Variants in AR observed in about 807,000 individuals in gnomAD.
The protein encoded by AR is dihydrotestosterone receptor.
A neutral mutation model predicts 53.9 loss-of-function variants in AR; 8 were observed. The ratio of observed to expected loss-of-function variants is 0.15; its 90% confidence interval spans 0.09 to 0.27. The LOEUF (loss-of-function observed/expected upper bound fraction) is 0.27. Ranked by LOEUF, AR falls within the 10% of genes least tolerant of loss-of-function variation. AR has a pLI of 1.00. For missense variants in AR, 639 were observed against 742.5 expected, an observed-to-expected ratio of 0.86 and a Z score of 1.62; for synonymous variants, 359 against 316.4, an observed-to-expected ratio of 1.13 and a Z score of -1.43.
intron 2 of AR, among the ~76,000 whole-genome samples, chrX:67,664,171 A>C (rs1379605283): frequency 8.9e-6 from 1 of 112,096 alleles, no homozygotes; most frequent in Non-Finnish European, 1.9e-5. Flanking sequence ...GAGGAGCTGC[A>C]TTCCTTTGGA....
intron 2 of AR, among the ~76,000 whole-genome samples, chrX:67,654,993 GT>G (rs771252411): frequency 1.9e-3 from 199 of 104,604 alleles, no homozygotes; most frequent in South Asian, 3.2e-3. Flanking sequence ...ACTCTATTTT[GT>G]TTAAAATGAA....
At chrX:67,716,291 C>T (rs1378768595) in intron 4 of AR, among the ~76,000 whole-genome samples, 1 of 111,912 alleles carries the variant, frequency 8.9e-6, no homozygotes, top group African/African-American at 3.3e-5. Context: ...TTGGGTGAGG[C>T]TACACAAGGT....
intron 2 of AR, among the ~76,000 whole-genome samples, chrX:67,678,735 C>T (rs759944976): frequency 9.9e-5 from 11 of 111,402 alleles, no homozygotes; most frequent in Admixed American, 2.9e-4. Flanking sequence ...CTCTTTGTGT[C>T]CATTACACCA....
intron 1 of AR, among the ~76,000 whole-genome samples, chrX:67,559,359 G>A (rs945322280): frequency 2.7e-5 from 3 of 111,941 alleles, no homozygotes; most frequent in African/African-American, 9.8e-5. Flanking sequence ...GGGAGAGTGA[G>A]CAGAGTCCAT....
chrX:67,545,556 C>A lies in AR; in HGVS notation c.410C>A (p.Ala137Asp), dbSNP rs1295061621. The A allele has an allele frequency of 8.5e-7, 1 of 1,180,597 alleles. No homozygotes were observed. The highest frequency in any genetic ancestry group is 1.1e-6 in the Non-Finnish European group (1 of 879,953). The part of the protein sequence containing the change: ...PERGCVPEPG[A>D]AVAASKGLPQ... ...AGAGGTTGCGTCCCAGAGCCTGGAG[C>A]CGCCGTGGCCGCCAGCAAGGGGCTG... Residue 137 changes from alanine to aspartate, a missense_variant, in exon 1 of 8, where the codon GCC becomes GAC. Ala to Asp is a moderately radical substitution (Grantham distance 126, BLOSUM62 -2). This residue lies in a region of AR where 423 missense variants were observed against 377.0 expected (regional missense o/e 1.12). Coordinates refer to ENST00000374690, the MANE Select transcript of AR (RefSeq NM_000044.6).
At chrX:67,705,447 G>C (rs1461321958) in intron 3 of AR, among the ~76,000 whole-genome samples, 1 of 111,392 alleles carries the variant, frequency 9.0e-6, no homozygotes, top group Non-Finnish European at 1.9e-5. Flanking sequence ...GCTTCTGTTT[G>C]TGTGTTATTG....
At chrX:67,582,994 G>T (rs1358060902) in intron 1 of AR, among the ~76,000 whole-genome samples, 1 of 112,020 alleles carries the variant, frequency 8.9e-6, no homozygotes, top group East Asian at 2.8e-4. Flanking sequence ...AGAAGTGGCA[G>T]CTTCATTTTT....
At position 67,613,252 on chromosome X, in the gene AR, A is replaced by T. The variant is rs144773355; in HGVS notation, c.1617-30004A>T. ...GCCCCACTTGTGGAACAGGGGAGTC[A>T]CTCGTCACTGTCCCTGGTTCAAATT... On this transcript the variant is annotated intron_variant, in intron 1 of 7. Coordinates refer to ENST00000374690, the MANE Select transcript of AR (RefSeq NM_000044.6). Among the ~76,000 whole-genome samples, 115 of 111,825 alleles carry T rather than the reference A, an allele frequency of 1.0e-3. 1 individual carries two copies. The East Asian group carries it at 0.032, about 31-fold the overall frequency.
chrX:67,708,463 A>G (rs780600468), intron 3 of AR, among the ~76,000 whole-genome samples: 1 of 111,802 alleles, frequency 8.9e-6, no homozygotes, highest in East Asian at 2.8e-4. Context: ...CATTCGTCAT[A>G]TAGTTCTCGT....
chrX:67,566,450 G>A (rs1006143866), intron 1 of AR, among the ~76,000 whole-genome samples: 4 of 111,895 alleles, frequency 3.6e-5, no homozygotes, highest in African/African-American at 6.5e-5. Context: ...GGTAAATGAA[G>A]ATGAAGCCTT....
Position 67,695,111 on chromosome X carries a change from G to A in AR, c.1885+8985G>A, listed in dbSNP as rs907779742. 20 of 766,854 alleles carry A rather than the reference G, an allele frequency of 2.6e-5. No individual in the cohort carries two copies. The East Asian group carries it at 1.2e-3, about 46-fold the overall frequency. The allele number at this position is 766,854 out of a possible 1,213,427, so 63.2% of individuals were successfully genotyped here. A position where few individuals can be genotyped will look rare whatever the true frequency, so the allele number is the denominator to read the frequency against. On this transcript the variant is annotated intron_variant, in intron 3 of 7. Transcript: ENST00000374690. ...GCTCTGGCTCAGTCGCTTGCTTTTCGTGGTGTGCTGCCAGGAAGAAACTTT... is the reference window on the plus strand; with the variant it reads ...GCTCTGGCTCAGTCGCTTGCTTTTCATGGTGTGCTGCCAGGAAGAAACTTT...
intron 1 of AR, among the ~76,000 whole-genome samples, chrX:67,626,333 C>A (rs1489676968): frequency 9.1e-6 from 1 of 109,332 alleles, no homozygotes; most frequent in Admixed American, 9.9e-5. Flanking sequence ...CAAATTAGCT[C>A]CCATGTCAGA....
At chrX:67,695,617 C>A (rs1458176442) in intron 3 of AR, 1 of 751,234 alleles carries the variant, frequency 1.3e-6, no homozygotes, top group Non-Finnish European at 1.6e-6. Context: ...CATATTGACA[C>A]CAGTTTCTTT....
intron 3 of AR, among the ~76,000 whole-genome samples, chrX:67,705,750 T>G (rs1327261106): frequency 8.9e-6 from 1 of 111,795 alleles, no homozygotes; most frequent in Admixed American, 9.5e-5. Flanking sequence ...GCTTCCAGTT[T>G]TTGCCTATTC....
rs918873934 is a variant in AR, at chrX:67,730,014, C to T, written c.*6173C>T. On this transcript the variant is annotated 3_prime_UTR_variant, in exon 8 of 8. Transcript: ENST00000374690. ...AAAAAAAAATTAAAAAGTCCCCTCA[C>T]AACCCAGTGACACCTTTCTGCTTTC... The T allele has an allele frequency of 8.7e-5, 15 of 173,086 alleles. No individual in the cohort carries two copies. Among genetic ancestry groups the T allele is most frequent in the Non-Finnish European group, 1.2e-4 (11 of 91,140 alleles). 14.3% of individuals were successfully genotyped at this position (173,086 alleles called of 1,213,427 possible).
intron 2 of AR, among the ~76,000 whole-genome samples, chrX:67,673,514 G>C (rs1220707497): frequency 1.0e-5 from 1 of 100,481 alleles, no homozygotes; most frequent in African/African-American, 3.7e-5. Context: ...TTTTCAAATA[G>C]CCTGTTTTAA....
In AR at chrX:67,545,539, C is replaced by T. The variant is rs1131691761; in HGVS notation, c.393C>T (p.Cys131=). The change falls in exon 1 of 8, where the codon TGC becomes TGT. Residue 131 remains cysteine, a synonymous_variant. Transcript: ENST00000374690. The part of the protein sequence containing the change: ...SALECHPERG[C]VPEPGAAVAA... ...TGGAGTGCCACCCCGAGAGAGGTTG[C>T]GTCCCAGAGCCTGGAGCCGCCGTGG... 1.7e-6 allele frequency: 2 copies of T among 1,183,606 alleles called. No individual in the cohort carries two copies. The highest frequency in any genetic ancestry group is 4.8e-5 in the Admixed American group (2 of 41,928).
chrX:67,643,559 T>G, intron 2 of AR, 152 bp downstream of exon 2: 2 of 781,262 alleles, frequency 2.6e-6, no homozygotes, highest in Admixed American at 6.2e-5. Flanking sequence ...AGGAAGCAAA[T>G]TTTTGTACTT....
intron 1 of AR, among the ~76,000 whole-genome samples, chrX:67,589,760 A>G (rs1407289265): frequency 8.9e-6 from 1 of 111,739 alleles, no homozygotes; most frequent in Admixed American, 9.5e-5. Context: ...GAGGTTGGAT[A>G]CAGGCAGCCA....
Sources: allele counts gnomAD v4.1 joint callset (sites outside exome capture counted in the v4.1 genomes callset), GRCh38; gene constraint gnomAD v4.1.1; regional missense constraint gnomAD v4.1.1; transcripts MANE v1.5; gene names NCBI Gene and HGNC (gene_info 2026-07-23, HGNC 2026-07-21).